Variants in CFH observed in about 807,000 individuals in gnomAD.
CFH encodes the protein complement factor H, also known as H factor 1 (complement).
A neutral mutation model predicts 147.3 loss-of-function variants in CFH; 53 were observed. The ratio of observed to expected loss-of-function variants is 0.36; its 90% confidence interval spans 0.29 to 0.45. The LOEUF (loss-of-function observed/expected upper bound fraction) is 0.45. CFH is among the 20% of genes least tolerant of loss of function. The pLI, the probability that CFH is intolerant of heterozygous loss-of-function variation, is 1.00. For synonymous variants in CFH, 536 were observed against 489.4 expected, an observed-to-expected ratio of 1.10 and a Z score of -1.26; for missense variants, 1,380 against 1,498.0, an observed-to-expected ratio of 0.92 and a Z score of 1.30.
intron 11 of CFH, among the ~76,000 whole-genome samples, chr1:196,722,546 G>A (rs1252388970): frequency 3.3e-5 from 5 of 151,962 alleles, no homozygotes; most frequent in Admixed American, 1.3e-4. Flanking sequence ...ACTTTAGATA[G>A]CCTGATGACT....
At position 196,716,029 on chromosome 1, in the gene CFH, G is replaced by T. The variant is rs1187135730; in HGVS notation, c.1696+260G>T. Among the ~76,000 whole-genome samples, 3 of 152,006 alleles carry T rather than the reference G, an allele frequency of 2.0e-5. No homozygotes were observed. The South Asian group carries it at 6.2e-4, about 32-fold the overall frequency. ...ATTGCTTTTGTTACCCTAAATAAAA[G>T]CTTTCAAATTATTTAGAACCTAGCA... On this transcript the variant is annotated intron_variant, in intron 11 of 21. Coordinates refer to ENST00000367429, the MANE Select transcript of CFH (RefSeq NM_000186.4).
At chr1:196,715,919 G>A in intron 11 of CFH, 150 bp downstream of exon 11, 1 of 688,176 alleles carries the variant, frequency 1.5e-6, no homozygotes, top group Non-Finnish European at 2.4e-6. Flanking sequence ...GAAAAGAAGG[G>A]AGTTTTGAAA....
intron 1 of CFH, among the ~76,000 whole-genome samples, chr1:196,661,169 A>T (rs1666888265): frequency 6.6e-6 from 1 of 152,204 alleles, no homozygotes; most frequent in Non-Finnish European, 1.5e-5. Context: ...AAATAGTGCA[A>T]TGTGGAATCA....
At chr1:196,660,045 G>A (rs1394228304) in intron 1 of CFH, among the ~76,000 whole-genome samples, 1 of 152,162 alleles carries the variant, frequency 6.6e-6, no homozygotes, top group African/African-American at 2.4e-5. Context: ...TAGGGCCTAA[G>A]AGAAAATAGA....
intron 21 of CFH, 151 bp downstream of exon 21, chr1:196,746,150 AT>A (rs1390205206): frequency 7.5e-6 from 11 of 1,468,880 alleles, no homozygotes; most frequent in East Asian, 2.4e-5. Flanking sequence ...AAGTTTAGAA[AT>A]TTTTCTCTTT....
At chr1:196,722,183 T>C (rs1013129798) in intron 11 of CFH, among the ~76,000 whole-genome samples, 8 of 152,078 alleles carry the variant, frequency 5.3e-5, no homozygotes, top group African/African-American at 1.9e-4. Context: ...ATAGTGAGTA[T>C]TGACCATCTA....
rs1032896735 is a variant in CFH at position 196,676,125 on chromosome 1, C to A, written c.427+60C>A. Reference sequence around the variant, plus strand: ...TAAATATCTAAGATTTAAAAAAAGTCTTACATTAAAATATCTTAAAGTCTC... The same window carrying A: ...TAAATATCTAAGATTTAAAAAAAGTATTACATTAAAATATCTTAAAGTCTC... On this transcript the variant is annotated intron_variant, in intron 4 of 21. Transcript: ENST00000367429. 5.6e-6 allele frequency: 6 copies of A among 1,070,638 alleles called. No individual in the cohort carries two copies. In the African/African-American group the frequency reaches 8.1e-5, roughly 14 times the overall value. 66.3% of individuals were successfully genotyped at this position (1,070,638 alleles called of 1,614,324 possible).
chr1:196,705,642 G>A (rs1668568591), intron 9 of CFH, among the ~76,000 whole-genome samples: 1 of 152,166 alleles, frequency 6.6e-6, no homozygotes, highest in Non-Finnish European at 1.5e-5. Context: ...GGAATATCAT[G>A]AGGCCTGTAG....
At chr1:196,745,543 C>T (rs1290049510) in intron 20 of CFH, among the ~76,000 whole-genome samples, 1 of 152,126 alleles carries the variant, frequency 6.6e-6, no homozygotes, top group Non-Finnish European at 1.5e-5. Flanking sequence ...CTATGTTTAG[C>T]ATGTATTCAT....
chr1:196,666,947 A>T (rs1667117291), intron 1 of CFH, among the ~76,000 whole-genome samples: 1 of 152,090 alleles, frequency 6.6e-6, no homozygotes, highest in Non-Finnish European at 1.5e-5. Flanking sequence ...ATTTGCTTGG[A>T]ATGAATATGC....
At chr1:196,676,530 A>G (rs1457041453) in intron 4 of CFH, among the ~76,000 whole-genome samples, 1 of 152,092 alleles carries the variant, frequency 6.6e-6, no homozygotes, top group Non-Finnish European at 1.5e-5. Flanking sequence ...GAATAAACTA[A>G]GGGCGAGCTC....
intron 7 of CFH, among the ~76,000 whole-genome samples, chr1:196,688,525 C>T (rs10801554): frequency 0.64 from 97,984 of 151,972 alleles, 32,036 homozygotes; most frequent in East Asian, 0.95. Flanking sequence ...TATTTTTCTG[C>T]GCGGTATCAT....
At position 196,747,224 on chromosome 1, in the gene CFH, C is replaced by T. The variant is rs145347741; in HGVS notation, c.3607C>T (p.Arg1203Trp). The change falls in exon 22 of 22, where the codon CGG (arginine) becomes TGG (tryptophan). Residue 1203 changes from arginine to tryptophan, a missense_variant. Physicochemically the swap from Arg to Trp is moderately radical, Grantham distance 101. This residue lies in a region of CFH where 123 missense variants were observed against 185.3 expected (regional missense o/e 0.66). Transcript: ENST00000367429. The part of the protein sequence containing the change: ...TGESVEFVCK[R>W]GYRLSSRSHT... ...TGAATCAGTTGAATTTGTGTGTAAA[C>T]GGGGATATCGTCTTTCATCACGTTC... 49 of 1,613,798 alleles carry T rather than the reference C, an allele frequency of 3.0e-5. No homozygotes were observed. The African/African-American group carries it at 3.1e-4, about 10-fold the overall frequency.
intron 6 of CFH, among the ~76,000 whole-genome samples, chr1:196,684,551 A>C (rs1667760244): frequency 6.6e-6 from 1 of 151,932 alleles, no homozygotes; most frequent in Non-Finnish European, 1.5e-5. Context: ...AAGAGAACAT[A>C]AAAATTCACA....
intron 9 of CFH, among the ~76,000 whole-genome samples, chr1:196,704,182 C>T (rs555694237): frequency 3.9e-5 from 6 of 151,990 alleles, no homozygotes; most frequent in African/African-American, 7.2e-5. Context: ...GAAACCTCCA[C>T]CTCACGAGCT....
At chr1:196,693,993 TTA>T (rs1558164414) in intron 9 of CFH, among the ~76,000 whole-genome samples, 2 of 151,200 alleles carry the variant, frequency 1.3e-5, no homozygotes, top group East Asian at 1.9e-4. Context: ...TGTGTGTGTT[TTA>T]TTATTATTAT....
intron 9 of CFH, among the ~76,000 whole-genome samples, chr1:196,705,366 C>A (rs1371529444): frequency 2.0e-5 from 3 of 152,132 alleles, no homozygotes; most frequent in Non-Finnish European, 4.4e-5. Flanking sequence ...GACATGGCAG[C>A]AGCTGTGAGG....
At chr1:196,693,955 G>GGGGTGTGTGTGTGT (rs1553275432) in intron 9 of CFH, among the ~76,000 whole-genome samples, 1 of 142,656 alleles carries the variant, frequency 7.0e-6, no homozygotes, top group African/African-American at 2.6e-5. Flanking sequence ...TTAGATAAAT[G>GGGGTGTGTGTGTGT]GTGTGTGTGT....
intron 1 of CFH, among the ~76,000 whole-genome samples, chr1:196,662,326 T>C (rs1217709099): frequency 6.6e-6 from 1 of 152,234 alleles, no homozygotes; most frequent in Non-Finnish European, 1.5e-5. Flanking sequence ...TATTAATCCT[T>C]CTCACAGTTT....
Sources: gnomAD v4.1 joint callset for allele counts (sites outside exome capture counted in the v4.1 genomes callset) on GRCh38, gnomAD v4.1.1 for gene constraint, gnomAD v4.1.1 regional missense constraint, MANE v1.5 for transcripts, NCBI Gene and HGNC (gene_info 2026-07-23, HGNC 2026-07-21) for gene names.